Variants in DMRT1 observed in about 807,000 individuals in gnomAD.
DMRT1 encodes the protein doublesex and mab-3 related transcription factor 1.
DMRT1 carries 7 observed loss-of-function variants against 32.3 expected under a neutral mutation model. The observed-to-expected ratio is 0.22, with a 90% confidence interval of 0.12 to 0.41. The LOEUF is 0.41. Ranked by LOEUF, DMRT1 falls within the 10% of genes least tolerant of loss-of-function variation. DMRT1 has a pLI of 1.00. For synonymous variants in DMRT1, 278 were observed against 206.1 expected (o/e 1.35, Z -2.99); for missense variants, 625 against 500.5 (o/e 1.25, Z -2.37).
intron 4 of DMRT1, among the ~76,000 whole-genome samples, chr9:941,725 A>G (rs1819080169): frequency 1.3e-5 from 2 of 152,232 alleles, no homozygotes; most frequent in African/African-American, 2.4e-5. Context: ...CACCAAAAAA[A>G]TAGGAAGAAA....
At chr9:842,806 C>G (rs1293040722) in intron 1 of DMRT1, 1 of 152,430 alleles carries the variant, frequency 6.6e-6, no homozygotes, top group Non-Finnish European at 1.5e-5. Flanking sequence ...TCCCGGGTCC[C>G]TGAGATCCCT....
intron 4 of DMRT1, among the ~76,000 whole-genome samples, chr9:933,656 A>G (rs1818796135): frequency 6.6e-6 from 1 of 152,166 alleles, no homozygotes; most frequent in Admixed American, 6.5e-5. Context: ...GGGTTATTTA[A>G]ATTTTAATTA....
At chr9:932,933 G>C (rs1160083170) in intron 4 of DMRT1, among the ~76,000 whole-genome samples, 2 of 150,542 alleles carry the variant, frequency 1.3e-5, no homozygotes, top group Non-Finnish European at 3.0e-5. Context: ...TTTTTTTTGA[G>C]ACAGGGTTTT....
At chr9:920,167 A>C (rs974926260) in intron 4 of DMRT1, among the ~76,000 whole-genome samples, 2 of 152,036 alleles carry the variant, frequency 1.3e-5, no homozygotes, top group African/African-American at 4.8e-5. Context: ...TCTCTACTGG[A>C]GATGAAGATT....
intron 2 of DMRT1, among the ~76,000 whole-genome samples, chr9:853,455 A>G (rs1248820153): frequency 6.6e-6 from 1 of 151,490 alleles, no homozygotes. Flanking sequence ...TTTTATTTTA[A>G]ATTTTTGTTT....
intron 2 of DMRT1, among the ~76,000 whole-genome samples, chr9:881,089 G>C (rs1816718245): frequency 6.6e-6 from 1 of 151,796 alleles, no homozygotes; most frequent in African/African-American, 2.4e-5. Context: ...GGTGTGGCCT[G>C]ATCATGGGGA....
At chr9:901,544 C>T (rs1160506765) in intron 3 of DMRT1, among the ~76,000 whole-genome samples, 1 of 152,062 alleles carries the variant, frequency 6.6e-6, no homozygotes, top group Non-Finnish European at 1.5e-5. Flanking sequence ...CCAGGCTGGT[C>T]TTGAGCTCCT....
At chr9:858,030 T>G (rs1428394474) in intron 2 of DMRT1, among the ~76,000 whole-genome samples, 1 of 152,118 alleles carries the variant, frequency 6.6e-6, no homozygotes, top group Non-Finnish European at 1.5e-5. Context: ...CTATTATTGT[T>G]GTACATTTGG....
intron 2 of DMRT1, among the ~76,000 whole-genome samples, chr9:882,356 C>G (rs1335575939): frequency 6.6e-6 from 1 of 152,192 alleles, no homozygotes; most frequent in Non-Finnish European, 1.5e-5. Context: ...CTTCTCTTAA[C>G]CTTACTTGTG....
At chr9:918,601 T>C (rs898473967) in intron 4 of DMRT1, among the ~76,000 whole-genome samples, 1 of 152,308 alleles carries the variant, frequency 6.6e-6, no homozygotes, top group South Asian at 2.1e-4. Flanking sequence ...TCCTTATTAC[T>C]TTTCTGGCCA....
intron 2 of DMRT1, among the ~76,000 whole-genome samples, chr9:867,473 C>G (rs1816041991): frequency 6.6e-6 from 1 of 152,212 alleles, no homozygotes; most frequent in African/African-American, 2.4e-5. Context: ...CCGAGTAGCT[C>G]TCATTTACCG....
chr9:846,391 G>A (rs954024741), intron 1 of DMRT1, among the ~76,000 whole-genome samples: 1 of 152,052 alleles, frequency 6.6e-6, no homozygotes, highest in African/African-American at 2.4e-5. Flanking sequence ...ACTGGTACCT[G>A]TTTTTAGTAC....
Position 968,388 on chromosome 9 carries a change from AC to A in DMRT1, c.*250del. Reference sequence around the variant, plus strand: ...TAATAGTGTTCATTTTTTTAATGACACTGGTTTCATGTAGTTTTCAAGAAAT... The same window carrying A: ...TAATAGTGTTCATTTTTTTAATGACATGGTTTCATGTAGTTTTCAAGAAAT... On this transcript the variant is annotated 3_prime_UTR_variant, in exon 5 of 5. Coordinates refer to ENST00000382276, the MANE Select transcript of DMRT1 (RefSeq NM_021951.3). 1 of 471,104 alleles carries A rather than the reference AC, an allele frequency of 2.1e-6. No individual in the cohort carries two copies. The highest frequency in any genetic ancestry group is 3.8e-6 in the Non-Finnish European group (1 of 261,318). 29.2% of individuals were successfully genotyped at this position (471,104 alleles called of 1,614,324 possible).
intron 2 of DMRT1, among the ~76,000 whole-genome samples, chr9:890,861 C>T (rs192096637): frequency 2.0e-5 from 3 of 152,156 alleles, no homozygotes; most frequent in Non-Finnish European, 2.9e-5. Context: ...TCTACAGGTA[C>T]GCACCACCAT....
rs372734723 is a variant in DMRT1, at chr9:942,472, C to T, written c.968-25513C>T. On this transcript the variant is annotated intron_variant, in intron 4 of 4. Transcript: ENST00000382276. ...ATATTTTGTAGCGATGGGGTTTAGC[C>T]ATGTTGCCGAAGCTGGTCTTGAACT... Among the ~76,000 whole-genome samples the T allele has an allele frequency of 2.6e-4, 39 of 152,214 alleles. No homozygotes were observed. The East Asian group carries it at 6.6e-3, about 26-fold the overall frequency.
At chr9:884,882 A>G (rs899287573) in intron 2 of DMRT1, among the ~76,000 whole-genome samples, 1 of 152,186 alleles carries the variant, frequency 6.6e-6, no homozygotes, top group East Asian at 1.9e-4. Flanking sequence ...AGGCAGGAGA[A>G]TCACTTGAAC....
chr9:879,639 T>C (rs951063903), intron 2 of DMRT1, among the ~76,000 whole-genome samples: 1 of 152,238 alleles, frequency 6.6e-6, no homozygotes, highest in East Asian at 1.9e-4. Flanking sequence ...GCTTAAAGAT[T>C]AGTTGTGATG....
chr9:937,980 T>C (rs1482733305), intron 4 of DMRT1, among the ~76,000 whole-genome samples: 2 of 152,168 alleles, frequency 1.3e-5, no homozygotes, highest in Non-Finnish European at 2.9e-5. Context: ...GTTATAGTTT[T>C]AGCTCTTAAG....
intron 3 of DMRT1, among the ~76,000 whole-genome samples, chr9:897,965 A>T (rs1368172513): frequency 6.6e-6 from 1 of 152,214 alleles, no homozygotes; most frequent in African/African-American, 2.4e-5. Context: ...TAAAAATGAT[A>T]ATGGTGCAAA....
Sources: gnomAD v4.1 joint callset for allele counts (sites outside exome capture counted in the v4.1 genomes callset) on GRCh38, gnomAD v4.1.1 for gene constraint, MANE v1.5 for transcripts, NCBI Gene and HGNC (gene_info 2026-07-23, HGNC 2026-07-21) for gene names.